Variants in LRP4 observed in about 807,000 individuals in gnomAD.
LRP4 encodes the protein LDL receptor related protein 4, also known as low-density lipoprotein receptor-related protein 4.
Under a neutral mutation model 220.3 loss-of-function variants are expected in LRP4, and 95 were observed. The observed-to-expected ratio is 0.43, with a 90% confidence interval of 0.37 to 0.51. LRP4 has a LOEUF of 0.51. Ranked by LOEUF, LRP4 falls within the 20% of genes least tolerant of loss-of-function variation. The pLI, the probability that LRP4 is intolerant of heterozygous loss-of-function variation, is 0.00. For synonymous variants in LRP4, 903 were observed against 954.6 expected (o/e 0.95, Z 1.00); for missense variants, 1,925 against 2,567.0 (o/e 0.75, Z 5.40).
intron 7 of LRP4, among the ~76,000 whole-genome samples, chr11:46,897,903 G>T (rs1220000140): frequency 3.9e-5 from 6 of 152,172 alleles, no homozygotes; most frequent in African/African-American, 1.4e-4. Flanking sequence ...CCTCCCAGAC[G>T]GGGTGGTGGC....
Position 46,859,220 on chromosome 11 carries a change from CT to C in LRP4, c.5480del (p.Lys1827SerfsTer17), listed in dbSNP as rs1565771839. On this transcript the variant is annotated frameshift_variant, in exon 38 of 38. Transcript: ENST00000378623. LOFTEE classifies it high-confidence loss of function. ...GGCCCCCCCGTGAGCTTCGCAGTTG[CT>C]TGAGGTCATCCCACTCAGCATCATC... is the stretch of plus-strand genomic sequence containing the variant. ...SGDDAEWDDL[K>X]QLRSSRGGLL... 2 of 1,614,136 alleles carry C rather than the reference CT, an allele frequency of 1.2e-6. No individual in the cohort carries two copies. Among genetic ancestry groups the C allele is most frequent in the Non-Finnish European group, 1.7e-6 (2 of 1,180,004 alleles).
chr11:46,900,200 G>T, intron 3 of LRP4, 62 bp downstream of exon 3: 2 of 1,302,444 alleles, frequency 1.5e-6, no homozygotes, highest in Non-Finnish European at 2.2e-6. Context: ...ATTGCTTTCT[G>T]ATTGAAAATC....
At position 46,875,616 on chromosome 11, in the gene LRP4, T is replaced by C. The variant is rs767492436; in HGVS notation, c.3765A>G (p.Pro1255=). Residue 1255 remains proline, a synonymous_variant, in exon 27 of 38, where the codon CCA becomes CCG. Coordinates refer to ENST00000378623, the MANE Select transcript of LRP4 (RefSeq NM_002334.4). The surrounding 1 kb of genome is among the most constrained non-coding windows in gnomAD (Gnocchi z 4.5). The part of the protein sequence containing the change: ...RHTLVSPVQH[P]YGLTLLDSYI... ...AGGAGTCGAGCAGGGTGAGGCCATA[T>C]GGGTGCTGCACCGGTGACACCAATG... The C allele has an allele frequency of 6.2e-6, 10 of 1,614,130 alleles. No homozygotes were observed. Among genetic ancestry groups the C allele is most frequent in the Non-Finnish European group, 6.8e-6 (8 of 1,180,010 alleles).
At chr11:46,900,044 G>T in intron 3 of LRP4, 68 bp from the exon 4 acceptor site, 1 of 1,301,168 alleles carries the variant, frequency 7.7e-7, no homozygotes, top group Non-Finnish European at 1.1e-6. Context: ...CTGACTTAAA[G>T]CCCTCCGGAG....
At chr11:46,869,501 T>C (rs1488066154) in intron 31 of LRP4, among the ~76,000 whole-genome samples, 1 of 152,218 alleles carries the variant, frequency 6.6e-6, no homozygotes, top group Non-Finnish European at 1.5e-5. Flanking sequence ...GTTGATTGAA[T>C]GACTCCCTCT....
intron 1 of LRP4, among the ~76,000 whole-genome samples, chr11:46,912,790 C>T (rs950807863): frequency 6.6e-6 from 1 of 152,236 alleles, no homozygotes; most frequent in Non-Finnish European, 1.5e-5. Flanking sequence ...CTCTGCCCTA[C>T]ACCCAGACAG....
In LRP4 at chr11:46,890,618, G is replaced by T; in HGVS notation, c.1698-124C>A. 1.4e-6 allele frequency: 1 copy of T among 718,352 alleles called. No homozygotes were observed. The highest frequency in any genetic ancestry group is 1.6e-5 in the South Asian group (1 of 62,220). The allele number at this position is 718,352 out of a possible 1,614,324, so 44.5% of individuals were successfully genotyped here. On this transcript the variant is annotated intron_variant, in intron 13 of 37. Coordinates refer to ENST00000378623, the MANE Select transcript of LRP4 (RefSeq NM_002334.4). The surrounding 1 kb of genome is among the most constrained non-coding windows in gnomAD (Gnocchi z 5.3). ...GACTCCAATGTTTGGTCCACAGAAT[G>T]AATTTTTTTTTTAGACGGGGTCTCA...
At chr11:46,914,605 A>G (rs1356334665) in intron 1 of LRP4, among the ~76,000 whole-genome samples, 1 of 152,200 alleles carries the variant, frequency 6.6e-6, no homozygotes, top group Non-Finnish European at 1.5e-5. Context: ...GCTGCTGAAG[A>G]TGAGATGGCA....
intron 3 of LRP4, 86 bp from the exon 4 acceptor site, chr11:46,900,062 G>A (rs1263495779): frequency 8.8e-7 from 1 of 1,135,728 alleles, no homozygotes; most frequent in South Asian, 1.2e-5. Flanking sequence ...GAGCAGTCAA[G>A]TAGCTCCAGT....
rs745826848 is a variant in LRP4 at position 46,874,948 on chromosome 11, G to C, written c.4081C>G (p.Arg1361Gly). ...SPETYLLFSS[R>G]GSIRRISLDT... ...AGTGAGATACGCCGGATGGAGCCAC[G>C]GCTGGAGAAGAGCAGGTAGGTCTCA... Residue 1361 changes from arginine to glycine, a missense_variant, in exon 28 of 38, where the codon CGT (arginine) becomes GGT (glycine). Coordinates refer to ENST00000378623, the MANE Select transcript of LRP4 (RefSeq NM_002334.4). The C allele has an allele frequency of 1.2e-6, 2 of 1,614,170 alleles. No homozygotes were observed. The highest frequency in any genetic ancestry group is 2.2e-5 in the East Asian group (1 of 44,882).
rs1385448269 is a variant in LRP4, at chr11:46,896,027, G to A, written c.1049-9C>T. Reference sequence around the variant, plus strand: ...CTCACCCGTCCGGGGCCCTGTGCCAGCCAAGCCAGAGTTGGGAGTTGAGCC... The same window carrying A: ...CTCACCCGTCCGGGGCCCTGTGCCAACCAAGCCAGAGTTGGGAGTTGAGCC... On this transcript the variant is annotated splice_polypyrimidine_tract_variant and intron_variant, in intron 9 of 37. Coordinates refer to ENST00000378623, the MANE Select transcript of LRP4 (RefSeq NM_002334.4). 1 of 1,614,062 alleles carries A rather than the reference G, an allele frequency of 6.2e-7. No homozygotes were observed. Among genetic ancestry groups the A allele is most frequent in the East Asian group, 2.2e-5 (1 of 44,896 alleles).
chr11:46,875,694 G>A lies in LRP4; in HGVS notation c.3700-13C>T. On this transcript the variant is annotated splice_polypyrimidine_tract_variant and intron_variant, in intron 26 of 37. Transcript: ENST00000378623. This position sits in a 1 kb window ranked among gnomAD's most constrained non-coding sequence, Gnocchi z 4.5. ...CAGCCTCAATTCGCTGCAGAGGAAG[G>A]AGAGGGTGGGGGGTGGTGATCAGCA... is the stretch of plus-strand genomic sequence containing the variant. 8 of 1,613,550 alleles carry A rather than the reference G, an allele frequency of 5.0e-6. No individual in the cohort carries two copies. The highest frequency in any genetic ancestry group is 6.8e-6 in the Non-Finnish European group (8 of 1,179,506).
In LRP4 at chr11:46,875,794, C is replaced by T. The variant is rs770541308; in HGVS notation, c.3699+10G>A. On this transcript the variant is annotated intron_variant, in intron 26 of 37. Transcript: ENST00000378623. This position sits in a 1 kb window ranked among gnomAD's most constrained non-coding sequence, Gnocchi z 4.5. ...AGGCTCCTGGGAAGCAGCAGGGACA[C>T]GGCTCTCACCTCGGTGTGGGCATCG... 2.0e-5 allele frequency: 32 copies of T among 1,613,956 alleles called. No individual in the cohort carries two copies. The highest frequency in any genetic ancestry group is 4.4e-5 in the South Asian group (4 of 91,078).
At position 46,875,650 on chromosome 11, in the gene LRP4, T is replaced by C. The variant is rs376299085; in HGVS notation, c.3731A>G (p.Asn1244Ser). ...RIEAADLNGA[N>S]RHTLVSPVQH... ...CACCGGTGACACCAATGTATGCCGATTGGCACCATTCAGGTCAGCAGCCTC... is the reference window on the plus strand; with the variant it reads ...CACCGGTGACACCAATGTATGCCGACTGGCACCATTCAGGTCAGCAGCCTC... Residue 1244 changes from asparagine (N) to serine (S), a missense_variant, in exon 27 of 38, where the codon AAT becomes AGT. By Grantham distance (46) the Asn-to-Ser change is conservative. This residue lies in a region of LRP4 where 1,244 missense variants were observed against 1,624.9 expected (regional missense o/e 0.77). Transcript: ENST00000378623. The surrounding 1 kb of genome is among the most constrained non-coding windows in gnomAD (Gnocchi z 4.5). 2.5e-5 allele frequency: 41 copies of C among 1,613,952 alleles called. No homozygotes were observed. Among genetic ancestry groups the C allele is most frequent in the Non-Finnish European group, 3.2e-5 (38 of 1,180,020 alleles).
Position 46,895,949 on chromosome 11 carries a change from C to G in LRP4, c.1118G>C (p.Arg373Pro), listed in dbSNP as rs760783389. ...GGCAQKCQMVRGAVQCTCHTG... is the reference protein window; with the variant it reads ...GGCAQKCQMVPGAVQCTCHTG... ...GTGGCAGGTACACTGCACTGCCCCC[C>G]GCACCATCTGGCACTTCTGGGCACA... Residue 373 changes from arginine (R) to proline (P), a missense_variant, in exon 10 of 38, where the codon CGG becomes CCG. Coordinates refer to ENST00000378623, the MANE Select transcript of LRP4 (RefSeq NM_002334.4). 1.9e-6 allele frequency: 3 copies of G among 1,614,094 alleles called. No individual in the cohort carries two copies. The highest frequency in any genetic ancestry group is 2.5e-6 in the Non-Finnish European group (3 of 1,180,038).
Position 46,896,986 on chromosome 11 carries a change from T to C in LRP4, c.805A>G (p.Met269Val), listed in dbSNP as rs761614096. Reference protein sequence around the residue: ...QSDERNCTTSMCTAEQFRCHS... With the variant: ...QSDERNCTTSVCTAEQFRCHS... The stretch of plus-strand genomic sequence containing the variant: ...CAGCGGAACTGTTCTGCCGTACACA[T>C]GGAGGTGGCTGGGCAAAGCAAAGGC... The change falls in exon 8 of 38, where the codon ATG (methionine) becomes GTG (valine). Residue 269 changes from methionine (M) to valine (V), a missense_variant. Around this residue, in one of 3 missense-constraint regions of LRP4, gnomAD observed 412 missense variants for 505.4 expected, o/e 0.82. Coordinates refer to ENST00000378623, the MANE Select transcript of LRP4 (RefSeq NM_002334.4). The C allele has an allele frequency of 1.2e-6, 2 of 1,614,176 alleles. No homozygotes were observed. The highest frequency in any genetic ancestry group is 1.1e-5 in the South Asian group (1 of 91,088).
intron 28 of LRP4, 81 bp downstream of exon 28, chr11:46,874,719 T>C (rs1940963092): frequency 1.6e-6 from 2 of 1,232,778 alleles, no homozygotes; most frequent in Non-Finnish European, 2.4e-6. Context: ...CACTCATCCA[T>C]TTAGTGGTCA....
chr11:46,880,055 A>G (rs926204297), intron 20 of LRP4, among the ~76,000 whole-genome samples: 1 of 152,222 alleles, frequency 6.6e-6, no homozygotes, highest in Non-Finnish European at 1.5e-5. Context: ...CAGTGAGCTG[A>G]GATCGCACCA....
At chr11:46,903,934 T>C (rs1941714847) in intron 1 of LRP4, among the ~76,000 whole-genome samples, 1 of 152,210 alleles carries the variant, frequency 6.6e-6, no homozygotes, top group Non-Finnish European at 1.5e-5. Flanking sequence ...TCGAGCTATC[T>C]GCCTGGCCAA....
Sources: gnomAD v4.1 joint callset for allele counts (sites outside exome capture counted in the v4.1 genomes callset) on GRCh38, gnomAD v4.1.1 for gene constraint, gnomAD v4.1.1 regional missense constraint, Gnocchi (gnomAD v3.1) non-coding constraint, MANE v1.5 for transcripts, NCBI Gene and HGNC (gene_info 2026-07-23, HGNC 2026-07-21) for gene names.